The following SMARCD3 variants were observed in gnomAD, a reference collection of about 807,000 sequenced individuals.
SMARCD3 encodes the protein SWI/SNF-related matrix-associated actin-dependent regulator of chromatin subfamily D member 3.
In SMARCD3, 14 loss-of-function variants were observed where a neutral mutation model predicts 58.0. That is an observed-to-expected ratio of 0.24 (90% confidence interval 0.16 to 0.38). SMARCD3 has a LOEUF of 0.38. Ranked by LOEUF, SMARCD3 falls within the 10% of genes least tolerant of loss-of-function variation. The pLI is 1.00. For synonymous variants in SMARCD3, 253 were observed against 253.8 expected, an observed-to-expected ratio of 1.00 and a Z score of 0.03; for missense variants, 408 against 636.9, an observed-to-expected ratio of 0.64 and a Z score of 3.87.
chr7:151,271,602 T>C (rs1795177520), intron 2 of SMARCD3, among the ~76,000 whole-genome samples: 2 of 152,118 alleles, frequency 1.3e-5, no homozygotes, highest in Non-Finnish European at 2.9e-5. Flanking sequence ...TTTCCAATTT[T>C]AAATAAACCT....
intron 2 of SMARCD3, among the ~76,000 whole-genome samples, chr7:151,260,475 A>T (rs1364042413): frequency 6.6e-6 from 1 of 152,182 alleles, no homozygotes; most frequent in Non-Finnish European, 1.5e-5. Flanking sequence ...CTGTGGAAAT[A>T]TTACTTTTTA....
chr7:151,254,788 G>A (rs1803647837), intron 2 of SMARCD3, among the ~76,000 whole-genome samples: 1 of 152,210 alleles, frequency 6.6e-6, no homozygotes, highest in Non-Finnish European at 1.5e-5. Flanking sequence ...CTGAGGACTT[G>A]TGAGGCAGGA....
Position 151,241,861 on chromosome 7 carries a change from C to T in SMARCD3, c.777+16G>A, listed in dbSNP as rs1027036323. The T allele has an allele frequency of 2.5e-6, 4 of 1,597,826 alleles. No homozygotes were observed. Among genetic ancestry groups the T allele is most frequent in the Admixed American group, 1.7e-5 (1 of 58,158 alleles). ...GCCTTGTGTGGCGTGTACGGGGCAG[C>T]ATGGCAGGTGCAGACCTGGTAGTCC... On this transcript the variant is annotated intron_variant, in intron 7 of 12. Coordinates refer to ENST00000262188, the MANE Select transcript of SMARCD3 (RefSeq NM_001003801.2). The surrounding 1 kb of genome is among the most constrained non-coding windows in gnomAD (Gnocchi z 5.3).
intron 2 of SMARCD3, among the ~76,000 whole-genome samples, chr7:151,267,130 C>T (rs1196217804): frequency 2.6e-5 from 4 of 152,178 alleles, no homozygotes; most frequent in African/African-American, 9.7e-5. Flanking sequence ...ATCCAGCCCA[C>T]GTTTATGTAT....
chr7:151,250,007 T>A (rs527806929), upstream of SMARCD3, among the ~76,000 whole-genome samples: 1 of 152,124 alleles, frequency 6.6e-6, no homozygotes, highest in Admixed American at 6.5e-5. Context: ...ACTGTGAGAA[T>A]CCAGGTGAGG....
intron 2 of SMARCD3, among the ~76,000 whole-genome samples, chr7:151,244,913 C>T (rs1173668815): frequency 6.6e-6 from 1 of 152,086 alleles, no homozygotes; most frequent in Non-Finnish European, 1.5e-5. Context: ...TGAGAGCAGA[C>T]CTGGGCCAGA....
At chr7:151,261,647 A>G (rs1240468414) in intron 2 of SMARCD3, among the ~76,000 whole-genome samples, 1 of 152,152 alleles carries the variant, frequency 6.6e-6, no homozygotes, top group African/African-American at 2.4e-5. Context: ...TGCCTGTCTC[A>G]CAGCCTGGAT....
At position 151,239,022 on chromosome 7, in the gene SMARCD3, G is replaced by T; in HGVS notation, c.*81C>A. The T allele has an allele frequency of 2.2e-6, 3 of 1,371,384 alleles. No homozygotes were observed. Among genetic ancestry groups the T allele is most frequent in the Non-Finnish European group, 3.1e-6 (3 of 959,044 alleles). 85.0% of individuals were successfully genotyped at this position (1,371,384 alleles called of 1,614,324 possible). ...AGCCCCACACCCCAAGGTGGCAGAG[G>T]AGTGATGCTGGAGCCCGGGGCAAAA... On this transcript the variant is annotated 3_prime_UTR_variant, in exon 13 of 13. Transcript: ENST00000262188. The surrounding 1 kb of genome is among the most constrained non-coding windows in gnomAD (Gnocchi z 7.0).
chr7:151,257,568 G>A (rs867493757), intron 2 of SMARCD3, among the ~76,000 whole-genome samples: 7 of 151,952 alleles, frequency 4.6e-5, no homozygotes, highest in South Asian at 2.1e-4. Flanking sequence ...CTTGTGATCC[G>A]CCTGCCTTGG....
At position 151,239,882 on chromosome 7, in the gene SMARCD3, G is replaced by GT; in HGVS notation, c.1174-137_1174-136insA. The GT allele has an allele frequency of 3.9e-6, 4 of 1,034,954 alleles. No individual in the cohort carries two copies. Among genetic ancestry groups the GT allele is most frequent in the Non-Finnish European group, 5.6e-6 (4 of 710,098 alleles). The allele number at this position is 1,034,954 out of a possible 1,614,324, so 64.1% of individuals were successfully genotyped here. A position where few individuals can be genotyped will look rare whatever the true frequency, so the allele number is the denominator to read the frequency against. ...ACCCCTCAGAGCCCCTGATTTCTCT[G>GT]AAGTCCCAGGGGAGGAGGGGATGGG... On this transcript the variant is annotated intron_variant, in intron 10 of 12. Transcript: ENST00000262188. This position sits in a 1 kb window ranked among gnomAD's most constrained non-coding sequence, Gnocchi z 7.0.
chr7:151,258,972 C>T (rs1803805747), intron 2 of SMARCD3, among the ~76,000 whole-genome samples: 1 of 152,212 alleles, frequency 6.6e-6, no homozygotes, highest in Non-Finnish European at 1.5e-5. Context: ...TTCCCCTCCA[C>T]TTTCCCTACA....
chr7:151,271,702 A>G (rs1795179989), intron 2 of SMARCD3, among the ~76,000 whole-genome samples: 1 of 152,088 alleles, frequency 6.6e-6, no homozygotes, highest in Non-Finnish European at 1.5e-5. Context: ...ATGCCTCCCA[A>G]CACTTTGGGA....
At chr7:151,275,312 C>T (rs926482379) in intron 1 of SMARCD3, 6 of 669,074 alleles carry the variant, frequency 9.0e-6, no homozygotes, top group Admixed American at 7.1e-5. Flanking sequence ...CGGGAAGCTG[C>T]GAAGAAGCCA....
chr7:151,258,126 A>ATGTG (rs1321290471), intron 2 of SMARCD3, among the ~76,000 whole-genome samples: 1 of 152,018 alleles, frequency 6.6e-6, no homozygotes, highest in Admixed American at 6.6e-5. Context: ...CTCTGAAGGC[A>ATGTG]CATCCTATTG....
At chr7:151,254,032 G>A (rs1054772223) in intron 2 of SMARCD3, among the ~76,000 whole-genome samples, 1 of 152,192 alleles carries the variant, frequency 6.6e-6, no homozygotes, top group African/African-American at 2.4e-5. Flanking sequence ...AACACAAGGG[G>A]ATCGCATGGC....
rs1803093996 is a variant in SMARCD3, at chr7:151,243,376, G to T, written c.333+283C>A. Reference sequence around the variant, plus strand: ...TCTATCCCCTTCATTCTGCCTGGCAGCTTCTGATCCCCTAGCTCTTGCCCC... The same window carrying T: ...TCTATCCCCTTCATTCTGCCTGGCATCTTCTGATCCCCTAGCTCTTGCCCC... On this transcript the variant is annotated intron_variant, in intron 3 of 12. Coordinates refer to ENST00000262188, the MANE Select transcript of SMARCD3 (RefSeq NM_001003801.2). The surrounding 1 kb of genome is among the most constrained non-coding windows in gnomAD (Gnocchi z 4.4). 6.6e-6 allele frequency among the ~76,000 whole-genome samples: 1 copy of T among 152,150 alleles called. No individual in the cohort carries two copies. Among genetic ancestry groups the T allele is most frequent in the African/African-American group, 2.4e-5 (1 of 41,436 alleles).
chr7:151,266,519 T>C (rs1236198481), intron 2 of SMARCD3, among the ~76,000 whole-genome samples: 1 of 152,220 alleles, frequency 6.6e-6, no homozygotes, highest in African/African-American at 2.4e-5. Flanking sequence ...GATCTGCATC[T>C]ATATCTTTGC....
upstream of SMARCD3, among the ~76,000 whole-genome samples, chr7:151,251,971 G>C (rs2150601937): frequency 6.6e-6 from 1 of 150,506 alleles, no homozygotes; most frequent in South Asian, 2.1e-4. Context: ...TCCCCGGCCT[G>C]GGCATGCGCG....
intron 2 of SMARCD3, among the ~76,000 whole-genome samples, chr7:151,255,243 A>C (rs1803662820): frequency 6.6e-6 from 1 of 152,122 alleles, no homozygotes; most frequent in South Asian, 2.1e-4. Context: ...CCAGCCCCTG[A>C]AACCCTCCTA....
Sources: gnomAD v4.1 joint callset for allele counts (sites outside exome capture counted in the v4.1 genomes callset) on GRCh38, gnomAD v4.1.1 for gene constraint, Gnocchi (gnomAD v3.1) non-coding constraint, MANE v1.5 for transcripts, NCBI Gene and HGNC (gene_info 2026-07-23, HGNC 2026-07-21) for gene names.